The following HSD17B3 variants were observed in gnomAD, a reference collection of about 807,000 sequenced individuals.
HSD17B3 encodes 17-beta-hydroxysteroid dehydrogenase type 3.
Under a neutral mutation model 41.1 loss-of-function variants are expected in HSD17B3, and 29 were observed. The observed-to-expected ratio is 0.71, with a 90% confidence interval of 0.53 to 0.96. The LOEUF (loss-of-function observed/expected upper bound fraction) is 0.96, where lower values mean the gene tolerates loss of function less well. HSD17B3 is among the 40% of genes least tolerant of loss of function. HSD17B3 has a pLI of 0.00. For missense variants in HSD17B3, 323 were observed against 374.6 expected, an observed-to-expected ratio of 0.86 and a Z score of 1.14; for synonymous variants, 126 against 145.6, an observed-to-expected ratio of 0.87 and a Z score of 0.97.
intron 1 of HSD17B3, among the ~76,000 whole-genome samples, chr9:96,298,869 T>C (rs1827468306): frequency 6.6e-6 from 1 of 152,178 alleles, no homozygotes; most frequent in African/African-American, 2.4e-5. Flanking sequence ...CAGGCACCCA[T>C]CTGTCATTGT....
chr9:96,271,601 AT>A (rs1826246934), intron 2 of HSD17B3, among the ~76,000 whole-genome samples: 1 of 152,166 alleles, frequency 6.6e-6, no homozygotes, highest in Non-Finnish European at 1.5e-5. Context: ...CAAAGCAGAT[AT>A]GTGTTATGAT....
At chr9:96,287,387 G>C (rs1826963739) in intron 2 of HSD17B3, among the ~76,000 whole-genome samples, 11 of 152,200 alleles carry the variant, frequency 7.2e-5, no homozygotes, top group Admixed American at 7.2e-4. Flanking sequence ...AACTGCTGCA[G>C]AAATGTGACT....
At chr9:96,280,335 A>G (rs184600189) in intron 2 of HSD17B3, among the ~76,000 whole-genome samples, 4 of 152,290 alleles carry the variant, frequency 2.6e-5, no homozygotes, top group African/African-American at 9.6e-5. Flanking sequence ...TCACCAATCC[A>G]CTTATTTTGA....
intron 10 of HSD17B3, among the ~76,000 whole-genome samples, chr9:96,237,285 C>A (rs957929662): frequency 6.6e-5 from 10 of 152,330 alleles, no homozygotes; most frequent in African/African-American, 2.4e-4. Flanking sequence ...TCTACCCCTT[C>A]CCAGCCTGGA....
intron 2 of HSD17B3, among the ~76,000 whole-genome samples, chr9:96,277,660 G>C (rs1826517943): frequency 8.5e-6 from 1 of 117,564 alleles, no homozygotes; most frequent in African/African-American, 3.1e-5. Flanking sequence ...CTGTATGGAA[G>C]TTCCTTCAAA....
chr9:96,241,797 C>T lies in HSD17B3; in HGVS notation c.673-890G>A, dbSNP rs180787617. Among the ~76,000 whole-genome samples, 421 of 151,822 alleles carry T rather than the reference C, an allele frequency of 2.8e-3. 1 individual carries two copies. Among genetic ancestry groups the T allele is most frequent in the African/African-American group, 9.7e-3 (401 of 41,384 alleles). ...TAAAAATAGAAAAATTAGTCAGGCA[C>T]GGTGGCACATGCCTGTAGTCCTAGC... On this transcript the variant is annotated intron_variant, in intron 9 of 10. Coordinates refer to ENST00000375263, the MANE Select transcript of HSD17B3 (RefSeq NM_000197.2).
At chr9:96,268,391 A>T (rs907987567) in intron 2 of HSD17B3, among the ~76,000 whole-genome samples, 2 of 152,194 alleles carry the variant, frequency 1.3e-5, no homozygotes, top group African/African-American at 4.8e-5. Context: ...GGTGAAAGGG[A>T]TATATTTCTA....
chr9:96,259,072 A>G (rs1214616181), intron 2 of HSD17B3, among the ~76,000 whole-genome samples: 1 of 152,178 alleles, frequency 6.6e-6, no homozygotes, highest in African/African-American at 2.4e-5. Flanking sequence ...TGGAGAAGAT[A>G]TGCCCCTCTG....
At chr9:96,283,414 A>C (rs117006339) in intron 2 of HSD17B3, among the ~76,000 whole-genome samples, 296 of 152,320 alleles carry the variant, frequency 1.9e-3, no homozygotes, top group Non-Finnish European at 3.5e-3. Flanking sequence ...ATGAAGATTA[A>C]ATATATTTGT....
At chr9:96,255,016 G>C in intron 2 of HSD17B3, 73 bp from the exon 3 acceptor site, 1 of 1,285,778 alleles carries the variant, frequency 7.8e-7, no homozygotes, top group Non-Finnish European at 1.1e-6. Context: ...AAGGTGACTT[G>C]GTCCTGAGAC....
intron 3 of HSD17B3, among the ~76,000 whole-genome samples, chr9:96,253,986 G>GCTCA (rs956980263): frequency 1.3e-5 from 2 of 151,920 alleles, no homozygotes; most frequent in African/African-American, 4.8e-5. Context: ...GGGAAACAAG[G>GCTCA]CTCACCCCTG....
At chr9:96,250,461 G>A in intron 5 of HSD17B3, 1 of 1,063,294 alleles carries the variant, frequency 9.4e-7, no homozygotes, top group Non-Finnish European at 1.1e-6. Context: ...AGCAGACTCG[G>A]GGCTTACACA....
At chr9:96,289,358 G>GT (rs1199341941) in intron 2 of HSD17B3, among the ~76,000 whole-genome samples, 1 of 152,080 alleles carries the variant, frequency 6.6e-6, no homozygotes, top group Non-Finnish European at 1.5e-5. Context: ...CATTAAAAAT[G>GT]TTTTTTCATT....
intron 2 of HSD17B3, among the ~76,000 whole-genome samples, chr9:96,270,080 G>C (rs1213525269): frequency 6.6e-6 from 1 of 152,116 alleles, no homozygotes; most frequent in Non-Finnish European, 1.5e-5. Flanking sequence ...CATGTGTCGG[G>C]GTGAGGGAAG....
intron 6 of HSD17B3, among the ~76,000 whole-genome samples, chr9:96,248,973 T>G (rs1234010700): frequency 1.3e-5 from 2 of 151,598 alleles, no homozygotes; most frequent in African/African-American, 4.8e-5. Context: ...TGACACAGTC[T>G]CAGCTCACTG....
Position 96,284,218 on chromosome 9 carries a change from A to C in HSD17B3, c.201+14198T>G, listed in dbSNP as rs1826819615. 5.0e-4 allele frequency among the ~76,000 whole-genome samples: 13 copies of C among 25,772 alleles called. No individual in the cohort carries two copies. The South Asian group carries it at 0.015, about 29-fold the overall frequency. 16.9% of individuals were successfully genotyped at this position (25,772 alleles called of 152,430 possible). A position where few individuals can be genotyped will look rare whatever the true frequency, so the allele number is the denominator to read the frequency against. On this transcript the variant is annotated intron_variant, in intron 2 of 10. Coordinates refer to ENST00000375263, the MANE Select transcript of HSD17B3 (RefSeq NM_000197.2). ...GTGACAAAGTGAGACTCCATCTTAAAAAAAAAAAAAAAAAAAAAAAAAGAC... is the reference window on the plus strand; with the variant it reads ...GTGACAAAGTGAGACTCCATCTTAACAAAAAAAAAAAAAAAAAAAAAAGAC...
chr9:96,279,166 C>T (rs1464123626), intron 2 of HSD17B3, among the ~76,000 whole-genome samples: 1 of 152,198 alleles, frequency 6.6e-6, no homozygotes, highest in Non-Finnish European at 1.5e-5. Flanking sequence ...TCAATCCATG[C>T]TGAAGTTTAT....
At chr9:96,272,446 TAAA>T (rs1554699341) in intron 2 of HSD17B3, among the ~76,000 whole-genome samples, 87 of 85,688 alleles carry the variant, frequency 1.0e-3, no homozygotes, top group African/African-American at 1.6e-3. Context: ...TATATATATA[TAAA>T]ATATATATGA....
intron 2 of HSD17B3, among the ~76,000 whole-genome samples, chr9:96,267,921 TTTC>T (rs1370444369): frequency 3.0e-4 from 45 of 151,932 alleles, no homozygotes; most frequent in Admixed American, 2.6e-4. Context: ...CTCTGCTCGT[TTTC>T]TTTTTTCTTT....
Sources: gnomAD v4.1 joint callset for allele counts (sites outside exome capture counted in the v4.1 genomes callset) on GRCh38, gnomAD v4.1.1 for gene constraint, MANE v1.5 for transcripts, NCBI Gene and HGNC (gene_info 2026-07-23, HGNC 2026-07-21) for gene names.